The following CRPPA variants were observed in gnomAD, a reference collection of about 807,000 sequenced individuals.
CRPPA encodes the protein CDP-L-ribitol pyrophosphorylase A, also known as D-ribitol-5-phosphate cytidylyltransferase.
In CRPPA, 43 loss-of-function variants were observed where a neutral mutation model predicts 52.0. The ratio of observed to expected loss-of-function variants is 0.83; its 90% confidence interval spans 0.65 to 1.07. The LOEUF (loss-of-function observed/expected upper bound fraction) is 1.07. CRPPA is among the 50% of genes least tolerant of loss of function. The pLI, the probability that CRPPA is intolerant of heterozygous loss-of-function variation, is 0.00. For synonymous variants in CRPPA, 250 were observed against 203.5 expected (o/e 1.23, Z -1.94); for missense variants, 629 against 551.7 (o/e 1.14, Z -1.40).
chr7:16,126,892 GAACT>G (rs1370931435), intron 9 of CRPPA, among the ~76,000 whole-genome samples: 8 of 152,168 alleles, frequency 5.3e-5, no homozygotes, highest in Non-Finnish European at 7.4e-5. Flanking sequence ...AAAGAAATTT[GAACT>G]AATGATTGAT....
chr7:16,347,818 T>G (rs1445764482), intron 3 of CRPPA, among the ~76,000 whole-genome samples: 2 of 152,070 alleles, frequency 1.3e-5, no homozygotes, highest in African/African-American at 4.8e-5. Flanking sequence ...AAAAGAGGGT[T>G]TGAACCACAT....
rs761763520 is a variant in CRPPA at position 16,258,501 on chromosome 7, A to T, written c.1027-19T>A. 5 of 1,489,926 alleles carry T rather than the reference A, an allele frequency of 3.4e-6. No homozygotes were observed. Among genetic ancestry groups the T allele is most frequent in the Non-Finnish European group, 4.6e-6 (5 of 1,083,848 alleles). 92.3% of individuals were successfully genotyped at this position (1,489,926 alleles called of 1,614,324 possible). On this transcript the variant is annotated intron_variant, in intron 7 of 9. Transcript: ENST00000407010. ...TTGTAACCTAAAAGACCAGAAAAATAAAAGGATATGAGAAGACGTTTTTAA... is the reference window on the plus strand; with the variant it reads ...TTGTAACCTAAAAGACCAGAAAAATTAAAGGATATGAGAAGACGTTTTTAA...
At chr7:16,258,602 T>C in intron 7 of CRPPA, 120 bp from the exon 8 acceptor site, 2 of 640,524 alleles carry the variant, frequency 3.1e-6, no homozygotes, top group South Asian at 4.9e-5. Context: ...AACTTAGTTT[T>C]TAATTTAGAA....
At chr7:16,320,084 T>C (rs1171046423) in intron 3 of CRPPA, among the ~76,000 whole-genome samples, 2 of 152,158 alleles carry the variant, frequency 1.3e-5, no homozygotes, top group Non-Finnish European at 2.9e-5. Context: ...TATTCTTCAT[T>C]TGTCATTGTC....
At chr7:16,123,750 T>C (rs1164005987) in intron 9 of CRPPA, among the ~76,000 whole-genome samples, 2 of 152,128 alleles carry the variant, frequency 1.3e-5, no homozygotes, top group Non-Finnish European at 2.9e-5. Flanking sequence ...GTTTAACCGC[T>C]TTACTTACAA....
intron 6 of CRPPA, among the ~76,000 whole-genome samples, chr7:16,271,307 T>C (rs1276942090): frequency 6.6e-6 from 1 of 152,156 alleles, no homozygotes; most frequent in East Asian, 1.9e-4. Context: ...AAACAAGTAC[T>C]GCAGAGGTTT....
intron 9 of CRPPA, among the ~76,000 whole-genome samples, chr7:16,138,303 T>A (rs541618623): frequency 6.6e-6 from 1 of 152,294 alleles, no homozygotes; most frequent in Non-Finnish European, 1.5e-5. Flanking sequence ...GAAGAGAATT[T>A]GTCTGTGCAA....
At chr7:16,149,738 C>A (rs1783039198) in intron 9 of CRPPA, among the ~76,000 whole-genome samples, 1 of 152,272 alleles carries the variant, frequency 6.6e-6, no homozygotes, top group South Asian at 2.1e-4. Context: ...GTAATCCCAG[C>A]AATTTGGGAG....
At chr7:16,292,536 G>T (rs941056306) in intron 5 of CRPPA, among the ~76,000 whole-genome samples, 2 of 151,972 alleles carry the variant, frequency 1.3e-5, no homozygotes, top group Non-Finnish European at 2.9e-5. Context: ...TACCTAGTTT[G>T]AAATTCTGAA....
intron 2 of CRPPA, among the ~76,000 whole-genome samples, chr7:16,397,928 G>A (rs1787655410): frequency 1.3e-5 from 2 of 152,176 alleles, no homozygotes; most frequent in Admixed American, 6.5e-5. Flanking sequence ...ACAACTGGCA[G>A]GTGATTGACA....
At chr7:16,117,748 T>C (rs904796975) in intron 9 of CRPPA, among the ~76,000 whole-genome samples, 1 of 152,222 alleles carries the variant, frequency 6.6e-6, no homozygotes, top group African/African-American at 2.4e-5. Flanking sequence ...ACCATCTTCC[T>C]TGTAAGAAAG....
chr7:16,371,500 C>T (rs1205239060), intron 3 of CRPPA, among the ~76,000 whole-genome samples: 1 of 151,472 alleles, frequency 6.6e-6, no homozygotes, highest in Admixed American at 6.6e-5. Context: ...CTGTAATAAA[C>T]ATTAAAGTCA....
intron 2 of CRPPA, among the ~76,000 whole-genome samples, chr7:16,399,395 G>A (rs1039950487): frequency 7.2e-6 from 1 of 138,260 alleles, no homozygotes; most frequent in African/African-American, 2.9e-5. Flanking sequence ...TGAAGTGATT[G>A]GCATGTGACA....
chr7:16,322,824 G>A (rs1385309016), intron 3 of CRPPA, among the ~76,000 whole-genome samples: 1 of 152,060 alleles, frequency 6.6e-6, no homozygotes, highest in African/African-American at 2.4e-5. Flanking sequence ...CCCGAGACTT[G>A]GGAATTTATA....
intron 9 of CRPPA, among the ~76,000 whole-genome samples, chr7:16,127,805 A>G (rs1239402788): frequency 6.6e-6 from 1 of 152,176 alleles, no homozygotes; most frequent in African/African-American, 2.4e-5. Context: ...ATAATAAATC[A>G]CAAAAAGCTA....
intron 9 of CRPPA, among the ~76,000 whole-genome samples, chr7:16,166,927 C>T (rs1413842330): frequency 9.2e-6 from 1 of 108,142 alleles, no homozygotes; most frequent in Non-Finnish European, 1.8e-5. Context: ...CTTTTCCAAC[C>T]TACTTTTTTT....
intron 1 of CRPPA, among the ~76,000 whole-genome samples, chr7:16,407,655 C>G (rs1787986221): frequency 6.6e-6 from 1 of 152,098 alleles, no homozygotes. Context: ...TGTCTCCTAC[C>G]TCTTGTTATC....
In CRPPA at chr7:16,287,082, C is replaced by T. The variant is rs185753328; in HGVS notation, c.836-8856G>A. On this transcript the variant is annotated intron_variant, in intron 5 of 9. Transcript: ENST00000407010. ...CCTTTGCTTTTTATTGTGGTAGATACTTTTATATATTTTACCTAATGATTA... is the reference window on the plus strand; with the variant it reads ...CCTTTGCTTTTTATTGTGGTAGATATTTTTATATATTTTACCTAATGATTA... Among the ~76,000 whole-genome samples the T allele has an allele frequency of 5.1e-3, 771 of 152,090 alleles. 1 individual carries two copies. Among genetic ancestry groups the T allele is most frequent in the Non-Finnish European group, 8.3e-3 (561 of 67,980 alleles).
At chr7:16,269,465 G>T (rs1784036849) in intron 6 of CRPPA, 1 of 152,174 alleles carries the variant, frequency 6.6e-6, no homozygotes, top group Non-Finnish European at 1.5e-5. Context: ...CAATAACATT[G>T]TGACAAAAAA....
Sources: gnomAD v4.1 joint callset for allele counts (sites outside exome capture counted in the v4.1 genomes callset) on GRCh38, gnomAD v4.1.1 for gene constraint, MANE v1.5 for transcripts, NCBI Gene and HGNC (gene_info 2026-07-23, HGNC 2026-07-21) for gene names.